DCLK1: variants seen among roughly 807,000 people sequenced by gnomAD.
The protein encoded by DCLK1 is serine/threonine-protein kinase DCLK1.
Under a neutral mutation model 86.2 loss-of-function variants are expected in DCLK1, and 16 were observed. That is an observed-to-expected ratio of 0.19 (90% CI 0.13 to 0.28). The LOEUF (loss-of-function observed/expected upper bound fraction) is 0.28, where lower values mean the gene tolerates loss of function less well. DCLK1 is among the 10% of genes least tolerant of loss of function. DCLK1 has a pLI of 1.00. For missense variants in DCLK1, 590 were observed against 940.2 expected, an observed-to-expected ratio of 0.63 and a Z score of 4.87; for synonymous variants, 369 against 370.5, an observed-to-expected ratio of 1.00 and a Z score of 0.05.
intron 16 of DCLK1, chr13:35,788,099 T>C: frequency 1.0e-6 from 1 of 975,760 alleles, no homozygotes. Flanking sequence ...TAAAGCAGCA[T>C]ATGGACTGGA....
intron 8 of DCLK1, among the ~76,000 whole-genome samples, chr13:35,832,108 C>T (rs1869010001): frequency 6.6e-6 from 1 of 152,094 alleles, no homozygotes; most frequent in Admixed American, 6.6e-5. Context: ...GCCTGGGCCA[C>T]ATAGTGAGAC....
intron 16 of DCLK1, among the ~76,000 whole-genome samples, chr13:35,775,556 G>A (rs1463071512): frequency 6.6e-6 from 1 of 152,000 alleles, no homozygotes; most frequent in Non-Finnish European, 1.5e-5. Flanking sequence ...TGGGTGTGGG[G>A]GAAAAATGGG....
chr13:35,915,968 CA>C (rs546130592), intron 4 of DCLK1, among the ~76,000 whole-genome samples: 50 of 152,228 alleles, frequency 3.3e-4, no homozygotes, highest in Non-Finnish European at 3.1e-4. Context: ...TATTTTAAAA[CA>C]ATTAAACAAA....
chr13:35,969,432 A>G (rs1427930176), intron 3 of DCLK1, among the ~76,000 whole-genome samples: 1 of 152,218 alleles, frequency 6.6e-6, no homozygotes, highest in African/African-American at 2.4e-5. Context: ...AGCCAAGGAT[A>G]CTTGGAGCCA....
At chr13:35,882,283 A>T (rs1254359338) in intron 4 of DCLK1, among the ~76,000 whole-genome samples, 2 of 152,138 alleles carry the variant, frequency 1.3e-5, no homozygotes, top group African/African-American at 2.4e-5. Context: ...TCTTAGGTGG[A>T]CATTTGTGAT....
intron 10 of DCLK1, among the ~76,000 whole-genome samples, chr13:35,823,745 C>T (rs1322958888): frequency 1.3e-5 from 2 of 152,190 alleles, no homozygotes; most frequent in Non-Finnish European, 2.9e-5. Context: ...TGCACAGTAA[C>T]CAACTGTGAT....
chr13:36,106,442 T>G (rs1885398658), intron 3 of DCLK1, among the ~76,000 whole-genome samples: 1 of 152,234 alleles, frequency 6.6e-6, no homozygotes, highest in Non-Finnish European at 1.5e-5. Flanking sequence ...TGGTTTAACA[T>G]GTGCTCTGAG....
intron 4 of DCLK1, among the ~76,000 whole-genome samples, chr13:35,924,594 G>A (rs9574927): frequency 0.03 from 4,492 of 152,228 alleles, 285 homozygotes; most frequent in East Asian, 0.27. Context: ...AGGTTGTAGT[G>A]AGCCGAGATC....
chr13:35,957,281 A>G (rs1878041805), intron 3 of DCLK1, among the ~76,000 whole-genome samples: 1 of 152,192 alleles, frequency 6.6e-6, no homozygotes, highest in African/African-American at 2.4e-5. Context: ...AATCTGTGTC[A>G]GGCAACATCC....
chr13:36,016,181 A>G (rs908933196), intron 3 of DCLK1, among the ~76,000 whole-genome samples: 2 of 152,216 alleles, frequency 1.3e-5, no homozygotes, highest in African/African-American at 4.8e-5. Context: ...TGCTTTATAC[A>G]TGTAACCCCA....
At chr13:36,076,760 T>C (rs1449438371) in intron 3 of DCLK1, among the ~76,000 whole-genome samples, 1 of 152,192 alleles carries the variant, frequency 6.6e-6, no homozygotes, top group African/African-American at 2.4e-5. Context: ...TATCTACCCA[T>C]GGGCCCTGGC....
chr13:35,983,170 T>C (rs1012242055), intron 3 of DCLK1, among the ~76,000 whole-genome samples: 17 of 151,194 alleles, frequency 1.1e-4, no homozygotes, highest in African/African-American at 4.1e-4. Flanking sequence ...GTTTTGCCCA[T>C]GCTGGAGTGC....
chr13:35,848,580 T>C lies in DCLK1; in HGVS notation c.1035+5919A>G, dbSNP rs1870382076. On this transcript the variant is annotated intron_variant, in intron 6 of 16. Coordinates refer to ENST00000360631, the MANE Select transcript of DCLK1 (RefSeq NM_001330071.2). ...AATTAGTACAAGTCCAGTTTCTTTT[T>C]GCCCTGTCTAAACAAAGCCATGGGC... is the stretch of plus-strand genomic sequence containing the variant. 5 of 985,238 alleles carry C rather than the reference T, an allele frequency of 5.1e-6. No individual in the cohort carries two copies. The South Asian group carries it at 2.3e-4, about 46-fold the overall frequency. The allele number at this position is 985,238 out of a possible 1,614,324, so 61.0% of individuals were successfully genotyped here.
chr13:35,880,040 C>T (rs137900345), intron 4 of DCLK1, among the ~76,000 whole-genome samples: 1,791 of 152,298 alleles, frequency 0.012, 39 homozygotes, highest in African/African-American at 0.04. Context: ...TCTTCCTCCA[C>T]GCTGTTAATG....
rs1697862910 is a variant in DCLK1 at position 35,773,358 on chromosome 13, G to C, written c.*1177C>G. ...GGGTATCATCTAGGTCTTTCATCCT[G>C]ATCTTCCTAGGAGACTATATAGGTA... On this transcript the variant is annotated 3_prime_UTR_variant, in exon 17 of 17. Coordinates refer to ENST00000360631, the MANE Select transcript of DCLK1 (RefSeq NM_001330071.2). The C allele has an allele frequency of 6.6e-6, 1 of 152,090 alleles. No individual in the cohort carries two copies. Among genetic ancestry groups the C allele is most frequent in the Non-Finnish European group, 1.5e-5 (1 of 67,990 alleles). 9.4% of individuals were successfully genotyped at this position (152,090 alleles called of 1,614,324 possible). A position where few individuals can be genotyped will look rare whatever the true frequency, so the allele number is the denominator to read the frequency against.
At chr13:36,046,707 T>C (rs12871873) in intron 3 of DCLK1, among the ~76,000 whole-genome samples, 32,482 of 152,190 alleles carry the variant, frequency 0.21, 4,078 homozygotes, top group Non-Finnish European at 0.28. Flanking sequence ...TTCCCATTTT[T>C]AGTAACTCTC....
At chr13:36,037,369 T>C (rs1882540692) in intron 3 of DCLK1, among the ~76,000 whole-genome samples, 2 of 152,158 alleles carry the variant, frequency 1.3e-5, no homozygotes, top group South Asian at 4.1e-4. Flanking sequence ...ACATATTACA[T>C]ATTTAAAAAT....
At chr13:35,807,247 TACC>T (rs1409344381) in intron 14 of DCLK1, among the ~76,000 whole-genome samples, 2 of 152,224 alleles carry the variant, frequency 1.3e-5, no homozygotes, top group East Asian at 3.9e-4. Flanking sequence ...ACATAAAATT[TACC>T]ACTTCAACCA....
intron 11 of DCLK1, among the ~76,000 whole-genome samples, chr13:35,816,587 C>T (rs2153103994): frequency 6.6e-6 from 1 of 152,260 alleles, no homozygotes; most frequent in East Asian, 1.9e-4. Flanking sequence ...ATTTAGCACT[C>T]TTACTCATAT....
Sources: allele counts gnomAD v4.1 joint callset (sites outside exome capture counted in the v4.1 genomes callset), GRCh38; gene constraint gnomAD v4.1.1; transcripts MANE v1.5; gene names NCBI Gene and HGNC (gene_info 2026-07-23, HGNC 2026-07-21).